ADGRA1: variants seen among roughly 807,000 people sequenced by gnomAD.
ADGRA1 encodes the protein adhesion G protein-coupled receptor A1, also known as G-protein coupled receptor 123.
In ADGRA1, 12 loss-of-function variants were observed where a neutral mutation model predicts 21.3. The ratio of observed to expected loss-of-function variants is 0.56; its 90% CI spans 0.36 to 0.91. The LOEUF is 0.91. Ranked by LOEUF, ADGRA1 falls within the 40% of genes least tolerant of loss-of-function variation. The pLI is 0.01. For missense variants in ADGRA1, 790 were observed against 805.6 expected, an observed-to-expected ratio of 0.98 and a Z score of 0.23; for synonymous variants, 385 against 368.8, an observed-to-expected ratio of 1.04 and a Z score of -0.50.
Position 133,123,928 on chromosome 10 carries a change from C to T in ADGRA1, c.402-3305C>T, listed in dbSNP as rs535928703. ...TCACTTAACCCCATGTGCAAGGTCC[C>T]TCTTGACGCGTGAGGTGAAACCTTC... On this transcript the variant is annotated intron_variant, in intron 5 of 6. Coordinates refer to ENST00000392607, the MANE Select transcript of ADGRA1 (RefSeq NM_001083909.3). Among the ~76,000 whole-genome samples, 12 of 152,332 alleles carry T rather than the reference C, an allele frequency of 7.9e-5. No individual in the cohort carries two copies. In the South Asian group the frequency reaches 2.3e-3, roughly 29 times the overall value.
Position 133,128,529 on chromosome 10 carries a change from C to T in ADGRA1, c.701C>T (p.Thr234Ile), listed in dbSNP as rs1238313929. ...GGCGGCCGTGGGATCCGGCCAGGCA[C>T]CCCACCCGCACACGATGCCCCCGGC... ...PEGGRGIRPG[T>I]PPAHDAPGAS... The change falls in exon 7 of 7, where the codon ACC (threonine) becomes ATC (isoleucine). Residue 234 changes from threonine (T) to isoleucine (I), a missense_variant. By Grantham distance (89) the Thr-to-Ile change is moderately conservative. Coordinates refer to ENST00000392607, the MANE Select transcript of ADGRA1 (RefSeq NM_001083909.3). 1.9e-6 allele frequency: 3 copies of T among 1,547,888 alleles called. No individual in the cohort carries two copies. Among genetic ancestry groups the T allele is most frequent in the South Asian group, 1.2e-5 (1 of 84,728 alleles).
chr10:133,101,502 A>G (rs1319170316), intron 4 of ADGRA1, among the ~76,000 whole-genome samples: 1 of 152,196 alleles, frequency 6.6e-6, no homozygotes, highest in Admixed American at 6.5e-5. Context: ...CAGGACTCAG[A>G]GCTCTGCCAC....
At chr10:133,121,448 TGC>T (rs370240925) in intron 5 of ADGRA1, among the ~76,000 whole-genome samples, 2,932 of 151,008 alleles carry the variant, frequency 0.019, 39 homozygotes, top group Non-Finnish European at 0.027. Context: ...TGTGTGCGTG[TGC>T]GTGGAGTGTG....
intron 5 of ADGRA1, among the ~76,000 whole-genome samples, chr10:133,109,146 A>G (rs1851943827): frequency 6.9e-6 from 1 of 145,972 alleles, no homozygotes; most frequent in South Asian, 2.2e-4. Context: ...GCAGCTCAGC[A>G]GCAGCACTGC....
At chr10:133,088,948 G>A in intron 2 of ADGRA1, 36 bp downstream of exon 2, 5 of 1,239,594 alleles carry the variant, frequency 4.0e-6, no homozygotes, top group African/African-American at 1.5e-5. Flanking sequence ...TGCAGCTGGG[G>A]GCTAGGCCGC....
At chr10:133,089,633 T>A (rs1650813743) in intron 2 of ADGRA1, among the ~76,000 whole-genome samples, 1 of 152,220 alleles carries the variant, frequency 6.6e-6, no homozygotes, top group Admixed American at 6.5e-5. Flanking sequence ...GTGCAGAGAA[T>A]GCCAATGGCC....
intron 5 of ADGRA1, among the ~76,000 whole-genome samples, chr10:133,106,696 G>A (rs1455680689): frequency 6.6e-6 from 1 of 152,272 alleles, no homozygotes; most frequent in African/African-American, 2.4e-5. Flanking sequence ...AGATCCTGTC[G>A]AGGTGAGGCC....
chr10:133,112,346 C>T (rs369220650), intron 5 of ADGRA1, among the ~76,000 whole-genome samples: 43 of 146,304 alleles, frequency 2.9e-4, no homozygotes, highest in East Asian at 1.2e-3. Context: ...CTGCAGGCTG[C>T]GTCAGTTATT....
At chr10:133,088,402 C>G (rs553695439) in intron 1 of ADGRA1, 3 of 154,042 alleles carry the variant, frequency 1.9e-5, no homozygotes, top group African/African-American at 4.8e-5. Context: ...CCGGTGCAAA[C>G]CCCCCGGCGC....
Position 133,088,764 on chromosome 10 carries a change from C to T in ADGRA1, c.-146C>T. The T allele has an allele frequency of 8.1e-7, 1 of 1,231,470 alleles. No individual in the cohort carries two copies. Among genetic ancestry groups the T allele is most frequent in the Non-Finnish European group, 1.0e-6 (1 of 987,710 alleles). 76.3% of individuals were successfully genotyped at this position (1,231,470 alleles called of 1,614,324 possible). On this transcript the variant is annotated 5_prime_UTR_variant, in exon 2 of 7. Coordinates refer to ENST00000392607, the MANE Select transcript of ADGRA1 (RefSeq NM_001083909.3). The stretch of plus-strand genomic sequence containing the variant: ...GCCGCGGTCACCCTGAGGCCAGGGG[C>T]CCGGGAGCGCGACCTCCTGGCCGCC...
At chr10:133,094,287 A>G (rs1254643692) in intron 2 of ADGRA1, among the ~76,000 whole-genome samples, 1 of 152,198 alleles carries the variant, frequency 6.6e-6, no homozygotes, top group Non-Finnish European at 1.5e-5. Flanking sequence ...TGGGCTTAAC[A>G]TGAAGGGGTT....
chr10:133,102,751 A>T lies in ADGRA1; in HGVS notation c.310A>T (p.Thr104Ser), dbSNP rs776384911. The T allele has an allele frequency of 1.9e-6, 3 of 1,612,598 alleles. No individual in the cohort carries two copies. Among genetic ancestry groups the T allele is most frequent in the Non-Finnish European group, 2.5e-6 (3 of 1,179,830 alleles). Residue 104 changes from threonine (T) to serine (S), a missense_variant, in exon 5 of 7, where the codon ACC becomes TCC. Thr to Ser is a moderately conservative substitution (Grantham distance 58, BLOSUM62 1). Around this residue, in one of 3 missense-constraint regions of ADGRA1, gnomAD observed 382 missense variants for 415.6 expected, o/e 0.92. Coordinates refer to ENST00000392607, the MANE Select transcript of ADGRA1 (RefSeq NM_001083909.3). Reference sequence around the variant, plus strand: ...GTCCACCATGCTGTGGATAGGAGTGACCGCCAGGAACATCTACAAGCAGGT... The same window carrying T: ...GTCCACCATGCTGTGGATAGGAGTGTCCGCCAGGAACATCTACAAGCAGGT... Reference protein sequence around the residue: ...TLSTMLWIGVTARNIYKQVTK... With the variant: ...TLSTMLWIGVSARNIYKQVTK...
At chr10:133,128,252 G>T in intron 6 of ADGRA1, 77 bp from the exon 7 acceptor site, 4 of 1,126,692 alleles carry the variant, frequency 3.6e-6, no homozygotes, top group Non-Finnish European at 4.9e-6. Flanking sequence ...GTGGGTGCAG[G>T]GCCCTTTGCT....
intron 2 of ADGRA1, among the ~76,000 whole-genome samples, chr10:133,094,756 A>C (rs1851659883): frequency 6.6e-6 from 1 of 152,094 alleles, no homozygotes; most frequent in South Asian, 2.1e-4. Context: ...ACCCTGGGTC[A>C]ATGTCTTGGA....
Position 133,128,895 on chromosome 10 carries a change from C to A in ADGRA1, c.1067C>A (p.Ala356Glu). ...GGACTGGGCCAGCCACGGGGCTTCGCGCACCCACCGGGCCCCTGCAAGATG... is the reference window on the plus strand; with the variant it reads ...GGACTGGGCCAGCCACGGGGCTTCGAGCACCCACCGGGCCCCTGCAAGATG... ...SPGLGQPRGF[A>E]HPPGPCKMTN... The change falls in exon 7 of 7, where the codon GCG (alanine) becomes GAG (glutamate). Residue 356 changes from alanine to glutamate, a missense_variant. Coordinates refer to ENST00000392607, the MANE Select transcript of ADGRA1 (RefSeq NM_001083909.3). 3 of 1,558,758 alleles carry A rather than the reference C, an allele frequency of 1.9e-6. No homozygotes were observed. Among genetic ancestry groups the A allele is most frequent in the Non-Finnish European group, 2.6e-6 (3 of 1,155,488 alleles).
At chr10:133,127,808 T>G (rs113221051) in intron 6 of ADGRA1, among the ~76,000 whole-genome samples, 103 of 7,516 alleles carry the variant, frequency 0.014, 1 homozygote, top group African/African-American at 0.046. Context: ...CCCACCCAGC[T>G]CCACCTCCGC....
At chr10:133,101,055 C>G (rs1851784103) in intron 4 of ADGRA1, among the ~76,000 whole-genome samples, 1 of 152,248 alleles carries the variant, frequency 6.6e-6, no homozygotes, top group Non-Finnish European at 1.5e-5. Flanking sequence ...AACGCTGAGG[C>G]CAGGCCAGTT....
chr10:133,120,420 AT>A (rs1475424705), intron 5 of ADGRA1, among the ~76,000 whole-genome samples: 3 of 152,096 alleles, frequency 2.0e-5, no homozygotes, highest in Non-Finnish European at 2.9e-5. Context: ...AAGAAAAAAA[AT>A]ATATCTTGTT....
chr10:133,129,436 A>G lies in ADGRA1; in HGVS notation c.1608A>G (p.Leu536=), dbSNP rs1852465823. 6.2e-7 allele frequency: 1 copy of G among 1,603,566 alleles called. No homozygotes were observed. Among genetic ancestry groups the G allele is most frequent in the East Asian group, 2.2e-5 (1 of 44,878 alleles). ...SQNGLPKGKL[L]EGLPFGTDGT... ...ACGGGCTGCCCAAGGGTAAATTGCT[A>G]GAAGGCCTGCCGTTTGGCACCGACG... The change falls in exon 7 of 7, where the codon CTA becomes CTG. Residue 536 remains leucine, a synonymous_variant. Transcript: ENST00000392607.
Sources: gnomAD v4.1 joint callset for allele counts (sites outside exome capture counted in the v4.1 genomes callset) on GRCh38, gnomAD v4.1.1 for gene constraint, gnomAD v4.1.1 regional missense constraint, MANE v1.5 for transcripts, NCBI Gene and HGNC (gene_info 2026-07-23, HGNC 2026-07-21) for gene names.